STX12: variants seen among roughly 807,000 people sequenced by gnomAD.
The protein encoded by STX12 is syntaxin 12, also known as syntaxin-12.
STX12 carries 17 observed loss-of-function variants against 42.2 expected under a neutral mutation model. The ratio of observed to expected loss-of-function variants is 0.40; its 90% confidence interval spans 0.28 to 0.60. The LOEUF (loss-of-function observed/expected upper bound fraction) is 0.60, where lower values mean the gene tolerates loss of function less well. STX12 is among the 20% of genes least tolerant of loss of function. The probability of loss-of-function intolerance (pLI) is 0.39; values close to 1 mark genes in which losing one functional copy is unlikely to be tolerated. For missense variants in STX12, 297 were observed against 330.9 expected (o/e 0.90, Z 0.79); for synonymous variants, 108 against 116.7 (o/e 0.93, Z 0.48).
intron 4 of STX12, among the ~76,000 whole-genome samples, chr1:27,806,765 C>A (rs1317734832): frequency 6.6e-6 from 1 of 152,138 alleles, no homozygotes; most frequent in Non-Finnish European, 1.5e-5. Flanking sequence ...ACTCACAGTT[C>A]TGCGTGGCTG....
At chr1:27,795,953 G>A (rs2088782949) in intron 3 of STX12, among the ~76,000 whole-genome samples, 1 of 152,202 alleles carries the variant, frequency 6.6e-6, no homozygotes. Context: ...CAAAAAAGGA[G>A]TTGAAGGGTC....
At chr1:27,778,918 C>G (rs1052710487) in intron 1 of STX12, among the ~76,000 whole-genome samples, 2 of 152,124 alleles carry the variant, frequency 1.3e-5, no homozygotes, top group African/African-American at 4.8e-5. Flanking sequence ...TGCCACTGCG[C>G]CTGGCAAGTT....
intron 1 of STX12, among the ~76,000 whole-genome samples, chr1:27,785,465 A>T (rs530542326): frequency 6.6e-6 from 1 of 152,348 alleles, no homozygotes; most frequent in East Asian, 1.9e-4. Context: ...CTGTTATTGA[A>T]TTTTGGAATT....
At chr1:27,798,818 G>A (rs1227449605) in intron 3 of STX12, among the ~76,000 whole-genome samples, 2 of 148,386 alleles carry the variant, frequency 1.3e-5, no homozygotes, top group East Asian at 3.9e-4. Context: ...GCCAGGCATC[G>A]TGGTACACAT....
At position 27,789,727 on chromosome 1, in the gene STX12, C is replaced by CCTGAATGAGAGGCAGTGGGTCTGGGA; in HGVS notation, c.188+96_188+97insCTGAATGAGAGGCAGTGGGTCTGGGA. On this transcript the variant is annotated intron_variant, in intron 2 of 8. Coordinates refer to ENST00000373943, the MANE Select transcript of STX12 (RefSeq NM_177424.3). ...AGCTTAGGTTTCAGGTCTGGGAAGT[C>CCTGAATGAGAGGCAGTGGGTCTGGGA]AGAATGAGAGGCAGTGGGTCATGAG... 3.4e-6 allele frequency: 3 copies of CCTGAATGAGAGGCAGTGGGTCTGGGA among 888,656 alleles called. No individual in the cohort carries two copies. The South Asian group carries it at 4.4e-5, about 13-fold the overall frequency. The allele number at this position is 888,656 out of a possible 1,614,324, so 55.0% of individuals were successfully genotyped here.
chr1:27,780,208 TG>T (rs1571515778), intron 1 of STX12, among the ~76,000 whole-genome samples: 4 of 144,978 alleles, frequency 2.8e-5, no homozygotes, highest in African/African-American at 8.4e-5. Context: ...TTTCTTTGCT[TG>T]TTTTTTTTTT....
intron 2 of STX12, among the ~76,000 whole-genome samples, chr1:27,790,431 A>G (rs1413521245): frequency 6.6e-6 from 1 of 152,128 alleles, no homozygotes; most frequent in Admixed American, 6.5e-5. Flanking sequence ...TGATTGGTCC[A>G]TTTTACAGAG....
chr1:27,798,304 G>A (rs1374185434), intron 3 of STX12, among the ~76,000 whole-genome samples: 1 of 152,010 alleles, frequency 6.6e-6, no homozygotes, highest in Admixed American at 6.6e-5. Flanking sequence ...GCTGAGGCGG[G>A]TGGATTGCTT....
chr1:27,822,253 G>C lies in STX12; in HGVS notation c.755G>C (p.Cys252Ser). Residue 252 changes from cysteine to serine, a missense_variant, in exon 9 of 9, where the codon TGT becomes TCT. By Grantham distance (112) the Cys-to-Ser change is moderately radical. Transcript: ENST00000373943. The part of the protein sequence containing the change: ...YYQKKSRKKM[C>S]ILVLVLSVII... ...CAGAAAAAATCTCGCAAGAAGATGTGTATCCTGGTGCTTGTCCTGTCAGTG... is the reference window on the plus strand; with the variant it reads ...CAGAAAAAATCTCGCAAGAAGATGTCTATCCTGGTGCTTGTCCTGTCAGTG... 2 of 1,612,934 alleles carry C rather than the reference G, an allele frequency of 1.2e-6. No individual in the cohort carries two copies. The highest frequency in any genetic ancestry group is 1.7e-6 in the Non-Finnish European group (2 of 1,178,968).
intron 3 of STX12, 115 bp downstream of exon 3, chr1:27,793,747 TC>T (rs1463982825): frequency 1.4e-6 from 1 of 697,420 alleles, no homozygotes; most frequent in African/African-American, 1.8e-5. Flanking sequence ...ATAGACCTCC[TC>T]TGCACCTCAG....
At chr1:27,821,441 C>T (rs1329942610) in intron 8 of STX12, among the ~76,000 whole-genome samples, 2 of 151,926 alleles carry the variant, frequency 1.3e-5, no homozygotes, top group Non-Finnish European at 2.9e-5. Flanking sequence ...AAACATCAAA[C>T]ATCATACAAT....
At chr1:27,776,020 C>T (rs569670332) in intron 1 of STX12, among the ~76,000 whole-genome samples, 7 of 151,808 alleles carry the variant, frequency 4.6e-5, no homozygotes, top group Admixed American at 1.3e-4. Context: ...TAGGAAAGTG[C>T]GAATTGAATT....
chr1:27,775,559 A>G (rs1373902112), intron 1 of STX12, among the ~76,000 whole-genome samples: 3 of 152,246 alleles, frequency 2.0e-5, no homozygotes, highest in Admixed American at 6.5e-5. Context: ...GGCATGAATC[A>G]TCATGCCTGG....
intron 6 of STX12, among the ~76,000 whole-genome samples, 162 bp from the exon 7 acceptor site, chr1:27,817,689 T>C (rs61569973): frequency 0.039 from 5,991 of 152,312 alleles, 392 homozygotes; most frequent in African/African-American, 0.14. Context: ...TGTTTTACAA[T>C]ATTGGGTAGG....
At chr1:27,787,658 C>CAA (rs74312775) in intron 1 of STX12, among the ~76,000 whole-genome samples, 3 of 137,336 alleles carry the variant, frequency 2.2e-5, no homozygotes, top group East Asian at 4.1e-4. Flanking sequence ...GACTCTGTAT[C>CAA]AAAAAAAAAA....
chr1:27,795,344 C>T (rs982041255), intron 3 of STX12, among the ~76,000 whole-genome samples: 1 of 151,216 alleles, frequency 6.6e-6, no homozygotes, highest in Admixed American at 6.6e-5. Context: ...CTTGCTCTGT[C>T]GCCCAGGCTG....
intron 3 of STX12, among the ~76,000 whole-genome samples, chr1:27,797,644 C>T (rs1487466243): frequency 2.0e-5 from 3 of 152,046 alleles, no homozygotes; most frequent in Non-Finnish European, 4.4e-5. Flanking sequence ...CAATCTAACC[C>T]CTTCACCTCT....
intron 4 of STX12, 26 bp from the exon 5 acceptor site, chr1:27,810,220 C>T: frequency 6.2e-7 from 1 of 1,612,028 alleles, no homozygotes; most frequent in Non-Finnish European, 8.5e-7. Context: ...TGGATGACAG[C>T]AGCAATAATA....
intron 1 of STX12, among the ~76,000 whole-genome samples, chr1:27,785,275 C>T (rs2088691984): frequency 6.6e-6 from 1 of 152,104 alleles, no homozygotes; most frequent in Non-Finnish European, 1.5e-5. Context: ...GTTATACATA[C>T]ACAAAAATGA....
Sources: gnomAD v4.1 joint callset for allele counts (sites outside exome capture counted in the v4.1 genomes callset) on GRCh38, gnomAD v4.1.1 for gene constraint, MANE v1.5 for transcripts, NCBI Gene and HGNC (gene_info 2026-07-23, HGNC 2026-07-21) for gene names.